The following SMCO2 variants were observed in gnomAD, a reference collection of about 807,000 sequenced individuals.
The protein encoded by SMCO2 is single-pass membrane protein with coiled-coil domains 2, also known as single-pass membrane and coiled-coil domain-containing protein 2.
In SMCO2, 25 loss-of-function variants were observed where a neutral mutation model predicts 29.5. The ratio of observed to expected loss-of-function variants is 0.85; its 90% CI spans 0.62 to 1.18. The LOEUF is 1.18. Among genes scored for constraint, SMCO2 ranks in the 50% most tolerant of loss-of-function variants. The pLI, the probability that SMCO2 is intolerant of heterozygous loss-of-function variation, is 0.00. For missense variants in SMCO2, 348 were observed against 344.5 expected, an observed-to-expected ratio of 1.01 and a Z score of -0.08; for synonymous variants, 117 against 123.3, an observed-to-expected ratio of 0.95 and a Z score of 0.34.
chr12:27,438,009 A>T, the SMCO2 span, among the ~76,000 whole-genome samples: 1 of 152,008 alleles, frequency 6.6e-6, no homozygotes, highest in Non-Finnish European at 1.5e-5. Flanking sequence ...TTTTTATAAG[A>T]CTTGCCTACA....
At chr12:27,443,566 G>A in the SMCO2 span, among the ~76,000 whole-genome samples, 1 of 152,172 alleles carries the variant, frequency 6.6e-6, no homozygotes, top group South Asian at 2.1e-4. Flanking sequence ...TGGAAAGGAA[G>A]AAGTCAAATG....
upstream of SMCO2, among the ~76,000 whole-genome samples, chr12:27,462,657 G>A (rs1275420790): frequency 1.3e-5 from 2 of 152,176 alleles, no homozygotes; most frequent in Non-Finnish European, 2.9e-5. Flanking sequence ...GTAGTGTGCA[G>A]ATATCTGTCT....
intron 4 of SMCO2, among the ~76,000 whole-genome samples, chr12:27,479,224 G>A (rs1355062780): frequency 6.6e-6 from 1 of 152,112 alleles, no homozygotes; most frequent in African/African-American, 2.4e-5. Context: ...GGCCTGGTTG[G>A]CTGATATCTG....
chr12:27,431,579 A>G, the SMCO2 span, among the ~76,000 whole-genome samples: 1 of 152,140 alleles, frequency 6.6e-6, no homozygotes, highest in Non-Finnish European at 1.5e-5. Context: ...CATGTGACAG[A>G]ATTTCCTTCT....
chr12:27,470,370 C>T (rs535202750), intron 1 of SMCO2, among the ~76,000 whole-genome samples: 8 of 152,246 alleles, frequency 5.3e-5, no homozygotes, highest in African/African-American at 1.4e-4. Flanking sequence ...TATTCTCCTT[C>T]GAGCATTCAA....
At chr12:27,438,945 A>G in the SMCO2 span, among the ~76,000 whole-genome samples, 10 of 151,846 alleles carry the variant, frequency 6.6e-5, no homozygotes, top group Non-Finnish European at 1.5e-5. Context: ...TACCCCTTCC[A>G]CCCCATTCTG....
chr12:27,426,229 A>G, the SMCO2 span, among the ~76,000 whole-genome samples: 1 of 152,224 alleles, frequency 6.6e-6, no homozygotes. Context: ...TTGAGGACCA[A>G]TTGCATATGG....
the SMCO2 span, among the ~76,000 whole-genome samples, chr12:27,428,779 T>TA: frequency 2.0e-5 from 3 of 151,782 alleles, no homozygotes; most frequent in East Asian, 5.8e-4. Flanking sequence ...GGAAACCTGT[T>TA]ACATTTTACC....
chr12:27,484,559 T>C (rs576878465), intron 4 of SMCO2, among the ~76,000 whole-genome samples: 55 of 152,310 alleles, frequency 3.6e-4, no homozygotes, highest in African/African-American at 1.3e-3. Flanking sequence ...CTGGTTTGCG[T>C]TGTGCCTGAC....
chr12:27,429,754 C>G, the SMCO2 span, among the ~76,000 whole-genome samples: 58 of 152,298 alleles, frequency 3.8e-4, no homozygotes, highest in South Asian at 2.9e-3. Context: ...CTGTACACCT[C>G]TCTCCTGTTG....
chr12:27,425,495 G>T, the SMCO2 span, among the ~76,000 whole-genome samples: 1 of 152,044 alleles, frequency 6.6e-6, no homozygotes. Context: ...AGACTCCAAC[G>T]TCATCAGCCT....
At chr12:27,443,224 A>G in the SMCO2 span, among the ~76,000 whole-genome samples, 3 of 152,228 alleles carry the variant, frequency 2.0e-5, no homozygotes, top group African/African-American at 7.2e-5. Flanking sequence ...GCAAATCAAT[A>G]CCTGTGATAT....
chr12:27,481,007 T>G (rs1949638103), intron 4 of SMCO2, among the ~76,000 whole-genome samples: 1 of 152,192 alleles, frequency 6.6e-6, no homozygotes, highest in Non-Finnish European at 1.5e-5. Context: ...TTCCTTACCC[T>G]GTTCCCTGGG....
intron 1 of SMCO2, among the ~76,000 whole-genome samples, chr12:27,468,053 A>C (rs540223218): frequency 6.6e-6 from 1 of 152,152 alleles, no homozygotes; most frequent in South Asian, 2.1e-4. Context: ...GCACAATTTT[A>C]CTCCTCACAT....
chr12:27,472,743 T>C (rs977470479), intron 2 of SMCO2, 33 bp from the exon 3 acceptor site: 2 of 1,525,148 alleles, frequency 1.3e-6, no homozygotes, highest in Non-Finnish European at 1.8e-6. Context: ...AAAGGCATAA[T>C]AACAGCCTCT....
At chr12:27,460,239 C>T in the SMCO2 span, among the ~76,000 whole-genome samples, 1 of 152,084 alleles carries the variant, frequency 6.6e-6, no homozygotes, top group Non-Finnish European at 1.5e-5. Flanking sequence ...GTTATTGGTA[C>T]TTAATAAATA....
Position 27,470,717 on chromosome 12 carries a change from A to G in SMCO2, c.86A>G (p.Asn29Ser), listed in dbSNP as rs772010350. 5.5e-5 allele frequency: 85 copies of G among 1,551,096 alleles called. No individual in the cohort carries two copies. The highest frequency in any genetic ancestry group is 7.0e-5 in the Non-Finnish European group (80 of 1,146,672). ...CAGGAACAACAGCTGACTAAGAAAA[A>G]CAATGGCTTTTTCCAAAAGCTCAAT... Residue 29 changes from asparagine to serine, a missense_variant, in exon 2 of 8, where the codon AAC becomes AGC. Transcript: ENST00000298876.
upstream of SMCO2, among the ~76,000 whole-genome samples, chr12:27,464,434 C>A: frequency 6.6e-6 from 1 of 152,054 alleles, no homozygotes; most frequent in East Asian, 1.9e-4. Context: ...AGAGGCCGGG[C>A]GCAATGACTC....
At chr12:27,446,778 C>G in the SMCO2 span, among the ~76,000 whole-genome samples, 1 of 152,136 alleles carries the variant, frequency 6.6e-6, no homozygotes, top group African/African-American at 2.4e-5. Flanking sequence ...CCTTGGGGAG[C>G]TTCTTAAACC....
Sources: gnomAD v4.1 joint callset for allele counts (sites outside exome capture counted in the v4.1 genomes callset) on GRCh38, gnomAD v4.1.1 for gene constraint, MANE v1.5 for transcripts, NCBI Gene and HGNC (gene_info 2026-07-23, HGNC 2026-07-21) for gene names.